The following APBA2 variants were observed in gnomAD, a reference collection of about 807,000 sequenced individuals.
APBA2 encodes the protein amyloid-beta A4 precursor protein-binding family A member 2.
A neutral mutation model predicts 75.0 loss-of-function variants in APBA2; 30 were observed. The observed-to-expected ratio is 0.40, with a 90% CI of 0.30 to 0.54. The LOEUF (loss-of-function observed/expected upper bound fraction) is 0.54, where lower values mean the gene tolerates loss of function less well. Ranked by LOEUF, APBA2 falls within the 20% of genes least tolerant of loss-of-function variation. The pLI is 0.49. For missense variants in APBA2, 801 were observed against 1,016.1 expected, an observed-to-expected ratio of 0.79 and a Z score of 2.88; for synonymous variants, 444 against 409.6, an observed-to-expected ratio of 1.08 and a Z score of -1.01.
At chr15:28,917,021 GC>G (rs1319048436) in intron 1 of APBA2, among the ~76,000 whole-genome samples, 6 of 152,120 alleles carry the variant, frequency 3.9e-5, no homozygotes, top group Non-Finnish European at 8.8e-5. Context: ...AAAAGGGAAA[GC>G]TAGCAAAAAA....
intron 2 of APBA2, among the ~76,000 whole-genome samples, chr15:28,965,427 C>T (rs2036689498): frequency 1.3e-5 from 2 of 152,150 alleles, no homozygotes; most frequent in South Asian, 4.1e-4. Context: ...CAATTTTATT[C>T]TCCTTTTTCA....
rs149250317 is a variant in APBA2, at chr15:28,934,345, T to G, written c.-95+12596T>G. Among the ~76,000 whole-genome samples the G allele has an allele frequency of 4.5e-3, 683 of 152,330 alleles. 6 individuals are homozygous for G. The highest frequency in any genetic ancestry group is 0.016 in the African/African-American group (665 of 41,568). On this transcript the variant is annotated intron_variant, in intron 2 of 14. Transcript: ENST00000683413. ...GAGTGCCAGGGCTCAGTGTGGGTTC[T>G]GATTGGGCTAAGTAGGTGCCCATCT... is the stretch of plus-strand genomic sequence containing the variant.
At position 28,932,064 on chromosome 15, in the gene APBA2, C is replaced by T. The variant is rs995544464; in HGVS notation, c.-95+10315C>T. Among the ~76,000 whole-genome samples the T allele has an allele frequency of 5.3e-5, 8 of 152,124 alleles. No homozygotes were observed. The East Asian group carries it at 1.4e-3, about 26-fold the overall frequency. The stretch of plus-strand genomic sequence containing the variant: ...ATCCCAGGGGATACGGCCACACAGG[C>T]CACAGTTGCCTAGACCGACCTGGTG... On this transcript the variant is annotated intron_variant, in intron 2 of 14. Coordinates refer to ENST00000683413, the MANE Select transcript of APBA2 (RefSeq NM_001353788.2).
At chr15:28,962,300 G>A (rs1345155507) in intron 2 of APBA2, among the ~76,000 whole-genome samples, 7 of 152,018 alleles carry the variant, frequency 4.6e-5, no homozygotes, top group South Asian at 2.1e-4. Flanking sequence ...GGCTGGGCGC[G>A]GTGGCTCACG....
At position 28,969,935 on chromosome 15, in the gene APBA2, C is replaced by T. The variant is rs562710860; in HGVS notation, c.-94-25818C>T. Among the ~76,000 whole-genome samples the T allele has an allele frequency of 4.6e-5, 7 of 152,366 alleles. No homozygotes were observed. In the South Asian group the frequency reaches 1.4e-3, roughly 32 times the overall value. ...ACAGGCCAGGCCGGGCGGGCAGAGC[C>T]TCCTCGCTGCCTGCTGGCTTTGAAA... On this transcript the variant is annotated intron_variant, in intron 2 of 14. Transcript: ENST00000683413.
At chr15:28,950,268 C>T (rs1044594252) in intron 2 of APBA2, among the ~76,000 whole-genome samples, 22 of 152,178 alleles carry the variant, frequency 1.4e-4, no homozygotes, top group African/African-American at 5.3e-4. Flanking sequence ...CAATATGACT[C>T]ATAACTATCG....
chr15:28,963,893 A>G (rs1873285), intron 2 of APBA2, among the ~76,000 whole-genome samples: 47,906 of 151,786 alleles, frequency 0.32, 12,321 homozygotes, highest in East Asian at 0.78. Flanking sequence ...TAATGTATGT[A>G]TGTGTGTGTG....
chr15:29,084,683 G>A (rs539370427), intron 6 of APBA2, among the ~76,000 whole-genome samples: 16 of 152,324 alleles, frequency 1.1e-4, no homozygotes, highest in Admixed American at 4.6e-4. Flanking sequence ...AACAAAACCC[G>A]TCTATTGAGA....
Position 29,094,263 on chromosome 15 carries a change from C to T in APBA2, c.1216-15C>T. The stretch of plus-strand genomic sequence containing the variant: ...CTGTGCCAACTTGTTTTTCTTTTCT[C>T]TTCCATGCTGTCAGAGGATGCAAAA... On this transcript the variant is annotated splice_polypyrimidine_tract_variant and intron_variant, in intron 7 of 14. Transcript: ENST00000683413. The T allele has an allele frequency of 1.2e-6, 2 of 1,614,190 alleles. No homozygotes were observed. Among genetic ancestry groups the T allele is most frequent in the Non-Finnish European group, 1.7e-6 (2 of 1,180,000 alleles).
chr15:29,024,338 T>C (rs2040110179), intron 3 of APBA2, among the ~76,000 whole-genome samples: 1 of 152,226 alleles, frequency 6.6e-6, no homozygotes, highest in Non-Finnish European at 1.5e-5. Context: ...CAGTAATTCA[T>C]TGATAACATT....
At chr15:28,948,278 G>A (rs1230710126) in intron 2 of APBA2, among the ~76,000 whole-genome samples, 1 of 152,034 alleles carries the variant, frequency 6.6e-6, no homozygotes, top group Non-Finnish European at 1.5e-5. Context: ...TTTCTTTCTT[G>A]CAAGACAGAA....
intron 3 of APBA2, among the ~76,000 whole-genome samples, chr15:28,996,205 G>T (rs1409476561): frequency 6.6e-6 from 1 of 152,200 alleles, no homozygotes; most frequent in African/African-American, 2.4e-5. Flanking sequence ...GTAGACACAT[G>T]TATATCGGCA....
At chr15:28,979,685 C>T (rs924597241) in intron 2 of APBA2, among the ~76,000 whole-genome samples, 2 of 152,146 alleles carry the variant, frequency 1.3e-5, no homozygotes, top group South Asian at 2.1e-4. Context: ...GCCTTCTGGG[C>T]GGAGCGTGCA....
chr15:28,918,527 C>T lies in APBA2; in HGVS notation c.-204-3113C>T, dbSNP rs1339614995. Among the ~76,000 whole-genome samples the T allele has an allele frequency of 6.6e-6, 1 of 152,110 alleles. No homozygotes were observed. Among genetic ancestry groups the T allele is most frequent in the African/African-American group, 2.4e-5 (1 of 41,412 alleles). On this transcript the variant is annotated intron_variant, in intron 1 of 14. Transcript: ENST00000683413. The surrounding 1 kb of genome is among the most constrained non-coding windows in gnomAD (Gnocchi z 4.2). ...GAATCCCGGTGCTCTTCTCCACCAG[C>T]CTTCCCTTTGGTCGCCCCCTGGCGT...
chr15:29,063,391 C>T (rs543017195), intron 4 of APBA2, among the ~76,000 whole-genome samples: 1 of 57,764 alleles, frequency 1.7e-5, no homozygotes, highest in East Asian at 5.1e-4. Flanking sequence ...ATGGGTGGTG[C>T]GGGGAGTTGA....
chr15:28,925,282 A>T (rs9989294), intron 2 of APBA2, among the ~76,000 whole-genome samples: 7,280 of 152,230 alleles, frequency 0.048, 572 homozygotes, highest in African/African-American at 0.17. Context: ...TGATTTGCTA[A>T]TAATTTGTTG....
rs1567040418 is a variant in APBA2, at chr15:29,117,177, GC to G, written c.*47del. The G allele has an allele frequency of 6.3e-7, 1 of 1,591,736 alleles. No individual in the cohort carries two copies. The highest frequency in any genetic ancestry group is 8.6e-7 in the Non-Finnish European group (1 of 1,161,306). ...CGCAGCCAGGACACCGGGCAGGGCC[GC>G]CCGGGCCCAGAGGAGCTGGGAGCCG... is the stretch of plus-strand genomic sequence containing the variant. On this transcript the variant is annotated 3_prime_UTR_variant, in exon 15 of 15. Transcript: ENST00000683413.
intron 3 of APBA2, among the ~76,000 whole-genome samples, chr15:29,013,519 G>T (rs547375672): frequency 4.5e-4 from 68 of 152,064 alleles, no homozygotes; most frequent in African/African-American, 1.6e-3. Flanking sequence ...CTGACCTCGT[G>T]ATCCACCCAC....
intron 3 of APBA2, among the ~76,000 whole-genome samples, chr15:29,000,052 G>A (rs758454382): frequency 1.3e-5 from 2 of 152,132 alleles, no homozygotes; most frequent in Non-Finnish European, 2.9e-5. Flanking sequence ...TGGAGTGGAC[G>A]ATGCCCACCT....
Sources: gnomAD v4.1 joint callset for allele counts (sites outside exome capture counted in the v4.1 genomes callset) on GRCh38, gnomAD v4.1.1 for gene constraint, Gnocchi (gnomAD v3.1) non-coding constraint, MANE v1.5 for transcripts, NCBI Gene and HGNC (gene_info 2026-07-23, HGNC 2026-07-21) for gene names.